Variants in CACNA1E observed in about 807,000 individuals in gnomAD.
The protein encoded by CACNA1E is calcium voltage-gated channel subunit alpha1 E, also known as voltage-dependent R-type calcium channel subunit alpha-1E.
A neutral mutation model predicts 259.2 loss-of-function variants in CACNA1E; 40 were observed. The ratio of observed to expected loss-of-function variants is 0.15; its 90% CI spans 0.12 to 0.20. CACNA1E has a LOEUF of 0.20. Ranked by LOEUF, CACNA1E falls within the 10% of genes least tolerant of loss-of-function variation. The probability of loss-of-function intolerance (pLI) is 1.00; values close to 1 mark genes in which losing one functional copy is unlikely to be tolerated. For synonymous variants in CACNA1E, 1,104 were observed against 1,138.5 expected (o/e 0.97, Z 0.61); for missense variants, 1,874 against 3,040.1 (o/e 0.62, Z 9.02).
At position 181,758,028 on chromosome 1, in the gene CACNA1E, G is replaced by A. The variant is rs915291484; in HGVS notation, c.4411G>A (p.Val1471Met). 5.6e-6 allele frequency: 9 copies of A among 1,613,800 alleles called. No individual in the cohort carries two copies. Among genetic ancestry groups the A allele is most frequent in the East Asian group, 2.2e-5 (1 of 44,886 alleles). ...PQNRHTFQYR[V>M]WHFVVSPSFE... is the part of the protein sequence containing the mutation. ...GAACAGACACACCTTCCAGTACCGC[G>A]TGTGGCACTTTGTGGTGTCTCCGTC... The change falls in exon 31 of 48, where the codon GTG becomes ATG. Residue 1471 changes from valine (V) to methionine (M), a missense_variant. This residue lies in a region of CACNA1E where 188 missense variants were observed against 540.6 expected (regional missense o/e 0.35). Transcript: ENST00000367573. This position sits in a 1 kb window ranked among gnomAD's most constrained non-coding sequence, Gnocchi z 4.2.
upstream of CACNA1E, among the ~76,000 whole-genome samples, chr1:181,481,542 C>T (rs1394612999): frequency 6.6e-6 from 1 of 152,256 alleles, no homozygotes; most frequent in Non-Finnish European, 1.5e-5. Flanking sequence ...TGGTTTCCAA[C>T]CTCTGGGCTT....
At chr1:181,431,234 G>A (rs1305945730) in intron 2 of CACNA1E, among the ~76,000 whole-genome samples, 15 of 152,208 alleles carry the variant, frequency 9.9e-5, no homozygotes, top group East Asian at 5.8e-4. Flanking sequence ...CTGAAATTGC[G>A]GAGTGAGTTT....
At chr1:181,669,543 G>A (rs559734169) in intron 7 of CACNA1E, among the ~76,000 whole-genome samples, 4 of 152,310 alleles carry the variant, frequency 2.6e-5, no homozygotes, top group African/African-American at 9.6e-5. Context: ...CACTCGTTAC[G>A]TTATTTTATA....
At chr1:181,591,709 G>C (rs538416499) in intron 6 of CACNA1E, among the ~76,000 whole-genome samples, 1 of 152,212 alleles carries the variant, frequency 6.6e-6, no homozygotes, top group African/African-American at 2.4e-5. Flanking sequence ...AGGAATCCTG[G>C]TCTTACTTTA....
chr1:181,441,386 A>G (rs963504543), intron 2 of CACNA1E, among the ~76,000 whole-genome samples: 3 of 152,186 alleles, frequency 2.0e-5, no homozygotes, highest in South Asian at 4.1e-4. Context: ...TCCTGACCTC[A>G]TGATCTGCCT....
At chr1:181,712,381 T>A (rs3766994) in intron 8 of CACNA1E, among the ~76,000 whole-genome samples, 1 of 152,122 alleles carries the variant, frequency 6.6e-6, no homozygotes, top group African/African-American at 2.4e-5. Context: ...AGCACAAAAG[T>A]GAGGTCACAG....
chr1:181,737,207 C>T (rs1231201705), intron 22 of CACNA1E, among the ~76,000 whole-genome samples: 1 of 152,204 alleles, frequency 6.6e-6, no homozygotes, highest in African/African-American at 2.4e-5. Flanking sequence ...GGAGAGTAGA[C>T]ATCGAGATAC....
intron 3 of CACNA1E, among the ~76,000 whole-genome samples, chr1:181,514,796 T>C (rs1666439184): frequency 6.6e-6 from 1 of 152,132 alleles, no homozygotes; most frequent in Non-Finnish European, 1.5e-5. Flanking sequence ...AGATGACTAG[T>C]TGAGGGGCCT....
At chr1:181,467,059 A>C (rs550669551) in intron 2 of CACNA1E, among the ~76,000 whole-genome samples, 2 of 152,340 alleles carry the variant, frequency 1.3e-5, no homozygotes, top group African/African-American at 4.8e-5. Context: ...CTCAGATGGT[A>C]CGTGAGTGCT....
intron 18 of CACNA1E, among the ~76,000 whole-genome samples, chr1:181,727,614 C>T (rs928720862): frequency 6.6e-6 from 1 of 152,158 alleles, no homozygotes; most frequent in South Asian, 2.1e-4. Flanking sequence ...CTGGGCCCTG[C>T]GTGGCCTGGT....
At chr1:181,390,604 G>A (rs1424654987) in intron 1 of CACNA1E, among the ~76,000 whole-genome samples, 1 of 152,140 alleles carries the variant, frequency 6.6e-6, no homozygotes, top group African/African-American at 2.4e-5. Flanking sequence ...GGCTCAGAGT[G>A]GTTGCTGAAA....
chr1:181,771,964 G>A, intron 36 of CACNA1E, 102 bp from the exon 37 acceptor site: 1 of 1,045,610 alleles, frequency 9.6e-7, no homozygotes, highest in Non-Finnish European at 1.4e-6. Context: ...GAGCCTGTTG[G>A]GCCCAGACAA....
chr1:181,762,584 G>A lies in CACNA1E; in HGVS notation c.4616G>A (p.Arg1539Gln), dbSNP rs1320125809. 5 of 1,603,248 alleles carry A rather than the reference G, an allele frequency of 3.1e-6. No individual in the cohort carries two copies. The highest frequency in any genetic ancestry group is 2.6e-6 in the Non-Finnish European group (3 of 1,172,138). The change falls in exon 33 of 48, where the codon CGA becomes CAA. Residue 1539 changes from arginine (R) to glutamine (Q), a missense_variant. This residue lies in a region of CACNA1E where 188 missense variants were observed against 540.6 expected (regional missense o/e 0.35). Transcript: ENST00000367573. Reference sequence around the variant, plus strand: ...GAATTCATTTGGCAGAACTATTTCCGAGACACCTGGAATATCTTTGACTTC... The same window carrying A: ...GAATTCATTTGGCAGAACTATTTCCAAGACACCTGGAATATCTTTGACTTC... ...VIAFGFLNYFRDTWNIFDFIT... is the reference protein window; with the variant it reads ...VIAFGFLNYFQDTWNIFDFIT...
chr1:181,646,938 G>A (rs1428489415), intron 6 of CACNA1E, among the ~76,000 whole-genome samples: 6 of 152,212 alleles, frequency 3.9e-5, no homozygotes, highest in Middle Eastern at 3.2e-3. Context: ...GTGGGCTGCC[G>A]CCCCCGAACT....
intron 30 of CACNA1E, 81 bp from the exon 31 acceptor site, chr1:181,757,866 C>G: frequency 6.7e-7 from 1 of 1,482,524 alleles, no homozygotes; most frequent in Non-Finnish European, 9.3e-7. Context: ...CACCGTCCTC[C>G]TCTTCTGAGC....
At chr1:181,516,242 G>T (rs1300737406) in intron 3 of CACNA1E, among the ~76,000 whole-genome samples, 1 of 151,898 alleles carries the variant, frequency 6.6e-6, no homozygotes, top group Non-Finnish European at 1.5e-5. Flanking sequence ...TGTGGATGGG[G>T]TGGGGGTTGG....
intron 14 of CACNA1E, 108 bp from the exon 15 acceptor site, chr1:181,720,675 G>A (rs181095334): frequency 5.5e-6 from 4 of 730,306 alleles, no homozygotes; most frequent in African/African-American, 3.5e-5. Flanking sequence ...GAAGAGGGGG[G>A]TTGTAGAAGA....
At chr1:181,595,446 G>A (rs556183826) in intron 6 of CACNA1E, among the ~76,000 whole-genome samples, 20 of 152,290 alleles carry the variant, frequency 1.3e-4, no homozygotes, top group Admixed American at 3.9e-4. Context: ...AGGCACAGGC[G>A]GGGCTGGCGT....
chr1:181,362,217 C>T (rs1386912452), intron 1 of CACNA1E, among the ~76,000 whole-genome samples: 4 of 152,222 alleles, frequency 2.6e-5, no homozygotes, highest in Non-Finnish European at 5.9e-5. Flanking sequence ...TGCTTTGTCC[C>T]AATCATGAGC....
Sources: gnomAD v4.1 joint callset for allele counts (sites outside exome capture counted in the v4.1 genomes callset) on GRCh38, gnomAD v4.1.1 for gene constraint, gnomAD v4.1.1 regional missense constraint, Gnocchi (gnomAD v3.1) non-coding constraint, MANE v1.5 for transcripts, NCBI Gene and HGNC (gene_info 2026-07-23, HGNC 2026-07-21) for gene names.